Variants in GSE1 observed in about 807,000 individuals in gnomAD.
The protein encoded by GSE1 is Gse1 coiled-coil protein.
GSE1 carries 32 observed loss-of-function variants against 112.6 expected under a neutral mutation model. That is an observed-to-expected ratio of 0.28 (90% CI 0.21 to 0.38). The LOEUF (loss-of-function observed/expected upper bound fraction) is 0.38, where lower values mean the gene tolerates loss of function less well. Among genes scored for constraint, GSE1 ranks in the 10% least tolerant of loss-of-function variants. The pLI is 1.00. For synonymous variants in GSE1, 1,115 were observed against 735.6 expected, an observed-to-expected ratio of 1.52 and a Z score of -8.35; for missense variants, 2,348 against 1,699.2, an observed-to-expected ratio of 1.38 and a Z score of -6.71.
At chr16:85,330,559 C>A (rs528609859) in intron 1 of GSE1, among the ~76,000 whole-genome samples, 1 of 152,254 alleles carries the variant, frequency 6.6e-6, no homozygotes, top group African/African-American at 2.4e-5. Flanking sequence ...GGCGCCTCAC[C>A]TGGGGCACTG....
chr16:85,323,306 C>T lies in GSE1; in HGVS notation c.2284-34157C>T, dbSNP rs568191899. Among the ~76,000 whole-genome samples, 173 of 152,290 alleles carry T rather than the reference C, an allele frequency of 1.1e-3. 1 individual carries two copies. The highest frequency in any genetic ancestry group is 1.8e-3 in the Non-Finnish European group (122 of 68,034). On this transcript the variant is annotated intron_variant, in intron 1 of 2. Transcript: ENST00000637419. ...CATTTCCAGAACCTTCTGAGGGTTGCTGGAGACCACGAAATGGCAAGATAG... is the reference window on the plus strand; with the variant it reads ...CATTTCCAGAACCTTCTGAGGGTTGTTGGAGACCACGAAATGGCAAGATAG...
chr16:85,261,074 G>A (rs1597219178), intron 1 of GSE1, among the ~76,000 whole-genome samples: 1 of 152,198 alleles, frequency 6.6e-6, no homozygotes, highest in Non-Finnish European at 1.5e-5. Flanking sequence ...TGGTCACCAG[G>A]CCTCACCCAG....
At chr16:85,596,881 C>G (rs1004688736) in intron 1 of GSE1, among the ~76,000 whole-genome samples, 2 of 152,152 alleles carry the variant, frequency 1.3e-5, no homozygotes, top group South Asian at 2.1e-4. Context: ...ACTAAAAATA[C>G]AAAAATTATC....
At chr16:85,171,525 C>T (rs1213030959) in exon 1 of GSE1, 1 of 985,478 alleles carries the variant, frequency 1.0e-6, no homozygotes, top group Admixed American at 6.1e-5. Flanking sequence ...GCAGCTCCCA[C>T]CACGCTGTCA....
intron 2 of GSE1, among the ~76,000 whole-genome samples, chr16:85,505,241 A>G (rs2051500232): frequency 6.6e-6 from 1 of 152,032 alleles, no homozygotes; most frequent in Non-Finnish European, 1.5e-5. Flanking sequence ...GCTGATGTTC[A>G]TGTCACCTGA....
At chr16:85,374,349 G>A (rs1312472612) in intron 2 of GSE1, among the ~76,000 whole-genome samples, 2 of 151,324 alleles carry the variant, frequency 1.3e-5, no homozygotes, top group African/African-American at 2.4e-5. Context: ...GTGGTCGCGC[G>A]TGGCCCTCGG....
intron 2 of GSE1, among the ~76,000 whole-genome samples, chr16:85,404,902 A>G (rs1340331472): frequency 2.3e-5 from 1 of 43,764 alleles, no homozygotes. Flanking sequence ...CCCCCCGGAT[A>G]ATCCTCACTG....
At chr16:85,637,873 G>A (rs1177601165) in intron 2 of GSE1, among the ~76,000 whole-genome samples, 4 of 152,180 alleles carry the variant, frequency 2.6e-5, no homozygotes, top group Non-Finnish European at 4.4e-5. Flanking sequence ...CCAGCTCAGC[G>A]GCCCGCAGCC....
upstream of GSE1, chr16:85,555,268 C>T (rs1030214313): frequency 1.0e-6 from 1 of 985,302 alleles, no homozygotes; most frequent in Non-Finnish European, 1.2e-6. Context: ...GCGCTCTCGC[C>T]TCCCCGCTCT....
At chr16:85,275,318 T>C (rs1357808598) in intron 1 of GSE1, among the ~76,000 whole-genome samples, 1 of 152,066 alleles carries the variant, frequency 6.6e-6, no homozygotes, top group Non-Finnish European at 1.5e-5. Flanking sequence ...ACAGAAAAGC[T>C]GGGCAGAGGG....
chr16:85,623,215 C>CTTT (rs34549947), intron 1 of GSE1, among the ~76,000 whole-genome samples: 1 of 139,954 alleles, frequency 7.1e-6, no homozygotes, highest in African/African-American at 2.6e-5. Flanking sequence ...TTGTCCACTC[C>CTTT]TTTTTTTTTT....
At chr16:85,177,141 A>G (rs1489794616) in intron 1 of GSE1, among the ~76,000 whole-genome samples, 2 of 152,218 alleles carry the variant, frequency 1.3e-5, no homozygotes, top group African/African-American at 4.8e-5. Context: ...AGTGAAGGCG[A>G]AAGGTCTTCA....
At chr16:85,343,491 G>A (rs751249614) in intron 1 of GSE1, among the ~76,000 whole-genome samples, 6 of 152,182 alleles carry the variant, frequency 3.9e-5, no homozygotes, top group Non-Finnish European at 8.8e-5. Context: ...GCTCACACCT[G>A]TAATCCTAGA....
At chr16:85,249,187 C>T (rs767844456) in intron 1 of GSE1, among the ~76,000 whole-genome samples, 3 of 152,234 alleles carry the variant, frequency 2.0e-5, no homozygotes, top group Non-Finnish European at 2.9e-5. Context: ...CAGCAGCGGC[C>T]GCATTTGTGC....
Position 85,654,269 on chromosome 16 carries a change from C to T in GSE1, c.427-9C>T, listed in dbSNP as rs1425521427. ...GCTCCTGCCCTGACTGGACGCTCTC[C>T]TCCCGCAGGATGCCGGCTCCAGGAG... On this transcript the variant is annotated splice_polypyrimidine_tract_variant and intron_variant, in intron 3 of 15. Transcript: ENST00000253458. 5.7e-6 allele frequency: 9 copies of T among 1,584,766 alleles called. No individual in the cohort carries two copies. The highest frequency in any genetic ancestry group is 1.4e-5 in the African/African-American group (1 of 73,844).
rs1007992565 is a variant in GSE1, at chr16:85,672,432, G to A, written c.3547G>A (p.Val1183Ile). ...AELRSQKQKM[V>I]SERERLQAEL... is the part of the protein sequence containing the mutation. Reference sequence around the variant, plus strand: ...GTTGAGGAGCCAGAAACAGAAGATGGTCTCAGAAAGGGAGCGGCTCCAGGC... The same window carrying A: ...GTTGAGGAGCCAGAAACAGAAGATGATCTCAGAAAGGGAGCGGCTCCAGGC... The change falls in exon 16 of 16, where the codon GTC (valine) becomes ATC (isoleucine). Residue 1183 changes from valine (V) to isoleucine (I), a missense_variant. By Grantham distance (29) the Val-to-Ile change is conservative. Transcript: ENST00000253458. 5 of 1,611,964 alleles carry A rather than the reference G, an allele frequency of 3.1e-6. No individual in the cohort carries two copies. The highest frequency in any genetic ancestry group is 2.7e-5 in the African/African-American group (2 of 74,858).
intron 1 of GSE1, among the ~76,000 whole-genome samples, chr16:85,343,892 T>A (rs1170802953): frequency 1.3e-5 from 2 of 152,216 alleles, no homozygotes; most frequent in Non-Finnish European, 2.9e-5. Context: ...GACCCATTGC[T>A]TCCCTAGCTC....
chr16:85,489,372 G>A (rs1327203249), intron 2 of GSE1, among the ~76,000 whole-genome samples: 1 of 152,030 alleles, frequency 6.6e-6, no homozygotes, highest in African/African-American at 2.4e-5. Flanking sequence ...GGGCACTGGG[G>A]GCTGGGGGGC....
intron 2 of GSE1, among the ~76,000 whole-genome samples, chr16:85,463,997 G>C (rs1425786026): frequency 6.6e-6 from 1 of 152,152 alleles, no homozygotes; most frequent in East Asian, 1.9e-4. Context: ...CTGGCCTCAG[G>C]ACTGCTTCTT....
Sources: allele counts gnomAD v4.1 joint callset (sites outside exome capture counted in the v4.1 genomes callset), GRCh38; gene constraint gnomAD v4.1.1; transcripts MANE v1.5; gene names NCBI Gene and HGNC (gene_info 2026-07-23, HGNC 2026-07-21).